Variants in ANKRD44 observed in about 807,000 individuals in gnomAD.
The protein encoded by ANKRD44 is ankyrin repeat domain 44.
Under a neutral mutation model 116.0 loss-of-function variants are expected in ANKRD44, and 35 were observed. The ratio of observed to expected loss-of-function variants is 0.30; its 90% confidence interval spans 0.23 to 0.40. ANKRD44 has a LOEUF of 0.40. ANKRD44 is among the 10% of genes least tolerant of loss of function. ANKRD44 has a pLI of 1.00. For synonymous variants in ANKRD44, 435 were observed against 461.8 expected (o/e 0.94, Z 0.74); for missense variants, 1,014 against 1,242.6 (o/e 0.82, Z 2.77).
chr2:197,270,525 C>T (rs959334005), intron 1 of ANKRD44, among the ~76,000 whole-genome samples: 4 of 152,146 alleles, frequency 2.6e-5, no homozygotes, highest in African/African-American at 9.7e-5. Context: ...GAAAATGAGT[C>T]TGAAGCCCTT....
At chr2:197,035,494 C>A (rs2076791133) in intron 16 of ANKRD44, among the ~76,000 whole-genome samples, 1 of 152,082 alleles carries the variant, frequency 6.6e-6, no homozygotes, top group Non-Finnish European at 1.5e-5. Context: ...AGCTAGAAAA[C>A]CAATCAGAAA....
chr2:197,025,262 C>G lies in ANKRD44; in HGVS notation c.1656G>C (p.Leu552Phe), dbSNP rs370053952. ...YGHRQCLELL[L>F]ERTNSGFEES... ...CTTCAAATCCACTGTTTGTTCTTTC[C>G]AAAAGCTGTGGAGACAAAAAGCAAA... Residue 552 changes from leucine (L) to phenylalanine (F), a missense_variant, in exon 17 of 28, where the codon TTG becomes TTC. Leu to Phe is a conservative substitution (Grantham distance 22). Transcript: ENST00000282272. 6.2e-6 allele frequency: 10 copies of G among 1,609,740 alleles called. No individual in the cohort carries two copies. The South Asian group carries it at 9.9e-5, about 16-fold the overall frequency.
intron 1 of ANKRD44, among the ~76,000 whole-genome samples, chr2:197,248,420 T>G (rs2082239741): frequency 6.6e-6 from 1 of 151,980 alleles, no homozygotes; most frequent in Non-Finnish European, 1.5e-5. Flanking sequence ...TTTCCTAGCC[T>G]CCATGATCAT....
intron 25 of ANKRD44, 22 bp downstream of exon 25, chr2:196,998,315 T>C: frequency 6.6e-7 from 1 of 1,515,432 alleles, no homozygotes; most frequent in Admixed American, 1.7e-5. Context: ...GAAGTAATAA[T>C]ATTTTAAATT....
intron 16 of ANKRD44, among the ~76,000 whole-genome samples, chr2:197,034,167 T>A (rs2076764958): frequency 6.6e-6 from 1 of 151,694 alleles, no homozygotes; most frequent in African/African-American, 2.4e-5. Context: ...TCTACAGAGA[T>A]CAACCTCAAC....
chr2:197,245,694 G>A (rs1295269294), intron 1 of ANKRD44, among the ~76,000 whole-genome samples: 3 of 152,064 alleles, frequency 2.0e-5, no homozygotes, highest in Admixed American at 2.0e-4. Flanking sequence ...CCTGTCCCAC[G>A]GAATTACCAT....
intron 9 of ANKRD44, among the ~76,000 whole-genome samples, chr2:197,110,373 G>C (rs1204890415): frequency 6.6e-6 from 1 of 152,066 alleles, no homozygotes; most frequent in Non-Finnish European, 1.5e-5. Flanking sequence ...AGCTTAATAA[G>C]TTTTAACTTA....
intron 1 of ANKRD44, among the ~76,000 whole-genome samples, chr2:197,209,563 T>A (rs1487027537): frequency 1.3e-5 from 2 of 152,194 alleles, no homozygotes; most frequent in Non-Finnish European, 2.9e-5. Flanking sequence ...ACTCAAGCAG[T>A]CCAGGCAATC....
At chr2:197,081,590 A>G in intron 15 of ANKRD44, 55 bp downstream of exon 15, 1 of 1,524,480 alleles carries the variant, frequency 6.6e-7, no homozygotes, top group Non-Finnish European at 9.1e-7. Flanking sequence ...CAACTCAGAA[A>G]AGCAGAAGAA....
At chr2:196,979,307 C>A (rs1261728579) in intron 21 of ANKRD44, among the ~76,000 whole-genome samples, 1 of 142,946 alleles carries the variant, frequency 7.0e-6, no homozygotes, top group Non-Finnish European at 1.5e-5. Context: ...GGCGTGAACC[C>A]GGGAGGCGGA....
rs1403793267 is a variant in ANKRD44 at position 197,212,795 on chromosome 2, A to C, written c.28-25689T>G. Among the ~76,000 whole-genome samples, 13 of 152,090 alleles carry C rather than the reference A, an allele frequency of 8.5e-5. No homozygotes were observed. Among genetic ancestry groups the C allele is most frequent in the African/African-American group, 2.4e-4 (10 of 41,404 alleles). On this transcript the variant is annotated intron_variant, in intron 1 of 27. Coordinates refer to ENST00000282272, the MANE Select transcript of ANKRD44 (RefSeq NM_001195144.2). This position sits in a 1 kb window ranked among gnomAD's most constrained non-coding sequence, Gnocchi z 4.8. ...AGGGAGGTGGACACGTACACACACA[A>C]ACACACACTTCAATCAGGAACTCGG...
chr2:197,300,569 C>T (rs937786033), intron 1 of ANKRD44, among the ~76,000 whole-genome samples: 1 of 152,106 alleles, frequency 6.6e-6, no homozygotes, highest in East Asian at 1.9e-4. Context: ...ATGTGCAAGG[C>T]ATTCAGTATC....
At chr2:197,193,773 T>G (rs1373431941) in intron 1 of ANKRD44, among the ~76,000 whole-genome samples, 1 of 151,840 alleles carries the variant, frequency 6.6e-6, no homozygotes, top group African/African-American at 2.4e-5. Flanking sequence ...TCCCAGCTGC[T>G]CAGGAGGCTG....
chr2:197,070,769 G>A (rs1387567923), intron 16 of ANKRD44, among the ~76,000 whole-genome samples: 1 of 152,082 alleles, frequency 6.6e-6, no homozygotes, highest in Non-Finnish European at 1.5e-5. Flanking sequence ...GAATTGGAAA[G>A]TATTCTCTTG....
intron 16 of ANKRD44, among the ~76,000 whole-genome samples, chr2:197,054,896 T>A (rs2077175289): frequency 6.6e-6 from 1 of 152,168 alleles, no homozygotes; most frequent in Admixed American, 6.5e-5. Flanking sequence ...CAAGGTAAAT[T>A]GAGGAAAAGA....
intron 16 of ANKRD44, among the ~76,000 whole-genome samples, chr2:197,070,699 G>GCT: frequency 6.7e-6 from 1 of 148,196 alleles, no homozygotes; most frequent in East Asian, 2.0e-4. Context: ...GCTCGCTCTC[G>GCT]CTCTCTGTGT....
chr2:197,110,876 G>T (rs1199593605), intron 8 of ANKRD44, 32 bp from the exon 9 acceptor site: 3 of 1,558,042 alleles, frequency 1.9e-6, no homozygotes, highest in Non-Finnish European at 2.7e-6. Flanking sequence ...AAAAACAATG[G>T]AGGTGCTCAT....
chr2:197,048,538 C>T (rs1311056495), intron 16 of ANKRD44, among the ~76,000 whole-genome samples: 1 of 152,172 alleles, frequency 6.6e-6, no homozygotes, highest in Non-Finnish European at 1.5e-5. Context: ...TTTATGGCTG[C>T]ATAGTATTCC....
intron 1 of ANKRD44, among the ~76,000 whole-genome samples, chr2:197,304,355 G>A (rs889888174): frequency 2.0e-5 from 3 of 152,122 alleles, no homozygotes; most frequent in Admixed American, 2.0e-4. Context: ...GGTAATCTTA[G>A]ATTATCTATG....
Sources: allele counts gnomAD v4.1 joint callset (sites outside exome capture counted in the v4.1 genomes callset), GRCh38; gene constraint gnomAD v4.1.1; non-coding constraint Gnocchi (gnomAD v3.1); transcripts MANE v1.5; gene names NCBI Gene and HGNC (gene_info 2026-07-23, HGNC 2026-07-21).